The following PRKCE variants were observed in gnomAD, a reference collection of about 807,000 sequenced individuals.
PRKCE encodes protein kinase C epsilon type.
A neutral mutation model predicts 85.4 loss-of-function variants in PRKCE; 16 were observed. The observed-to-expected ratio is 0.19, with a 90% CI of 0.13 to 0.28. The LOEUF is 0.28. Among genes scored for constraint, PRKCE ranks in the 10% least tolerant of loss-of-function variants. The pLI, the probability that PRKCE is intolerant of heterozygous loss-of-function variation, is 1.00. For missense variants in PRKCE, 573 were observed against 975.2 expected (o/e 0.59, Z 5.49); for synonymous variants, 388 against 371.5 (o/e 1.04, Z -0.51).
Position 46,145,652 on chromosome 2 carries a change from G to C in PRKCE, c.1731+421G>C, listed in dbSNP as rs530072274. ...GGAGGCCAAGGCAGGTAGATCGCTTGAGCCCAGGAGTTCAAGACCAGCCGG... is the reference window on the plus strand; with the variant it reads ...GGAGGCCAAGGCAGGTAGATCGCTTCAGCCCAGGAGTTCAAGACCAGCCGG... On this transcript the variant is annotated intron_variant, in intron 12 of 14. Transcript: ENST00000306156. The surrounding 1 kb of genome is among the most constrained non-coding windows in gnomAD (Gnocchi z 4.6). Among the ~76,000 whole-genome samples the C allele has an allele frequency of 1.8e-3, 277 of 152,268 alleles. 7 individuals are homozygous for C. The highest frequency in any genetic ancestry group is 0.013 in the South Asian group (61 of 4,824).
intron 10 of PRKCE, among the ~76,000 whole-genome samples, chr2:46,067,316 G>C (rs905029172): frequency 6.6e-6 from 1 of 152,148 alleles, no homozygotes; most frequent in African/African-American, 2.4e-5. Context: ...TATTTAAACA[G>C]TTTGGATTAA....
intron 1 of PRKCE, among the ~76,000 whole-genome samples, chr2:45,744,453 CTTTCTTTCTTTCTT>C (rs1682893754): frequency 1.7e-5 from 1 of 58,280 alleles, no homozygotes; most frequent in Non-Finnish European, 3.4e-5. Flanking sequence ...TTCTTTCTTT[CTTTCTTTCTTTCTT>C]TCTTTCTTTC....
chr2:45,792,196 C>T (rs897959722), intron 1 of PRKCE, among the ~76,000 whole-genome samples: 1 of 152,030 alleles, frequency 6.6e-6, no homozygotes, highest in Non-Finnish European at 1.5e-5. Flanking sequence ...AGAGGCCAAA[C>T]CTGAGGGGTG....
chr2:45,752,464 C>G (rs1683655133), intron 1 of PRKCE, among the ~76,000 whole-genome samples: 2 of 152,210 alleles, frequency 1.3e-5, no homozygotes, highest in African/African-American at 4.8e-5. Context: ...TTTAATGGAA[C>G]TAATTCAGCA....
intron 5 of PRKCE, among the ~76,000 whole-genome samples, chr2:45,980,810 G>C (rs1702830829): frequency 6.6e-6 from 1 of 152,192 alleles, no homozygotes; most frequent in Non-Finnish European, 1.5e-5. Context: ...GAATACTTAG[G>C]AGGCGGCAAC....
At chr2:46,073,014 C>T (rs1668208426) in intron 10 of PRKCE, among the ~76,000 whole-genome samples, 1 of 152,212 alleles carries the variant, frequency 6.6e-6, no homozygotes, top group Non-Finnish European at 1.5e-5. Flanking sequence ...TGCACATTCC[C>T]AGGGCCCACC....
chr2:45,712,385 C>A (rs1324517994), intron 1 of PRKCE, among the ~76,000 whole-genome samples: 1 of 151,666 alleles, frequency 6.6e-6, no homozygotes, highest in Non-Finnish European at 1.5e-5. Context: ...GAACTTCTGA[C>A]CTCAAGTGAT....
intron 1 of PRKCE, among the ~76,000 whole-genome samples, chr2:45,757,986 A>C (rs926591384): frequency 6.6e-6 from 1 of 152,210 alleles, no homozygotes; most frequent in Non-Finnish European, 1.5e-5. Flanking sequence ...ACTGGGGACA[A>C]TGTTAAAGGC....
intron 1 of PRKCE, among the ~76,000 whole-genome samples, chr2:45,826,096 A>C (rs1439008629): frequency 1.3e-5 from 2 of 152,152 alleles, no homozygotes; most frequent in Non-Finnish European, 2.9e-5. Context: ...CACCCAGGGC[A>C]GTAGAAGTCA....
At chr2:45,714,824 T>C (rs540840616) in intron 1 of PRKCE, among the ~76,000 whole-genome samples, 1 of 152,350 alleles carries the variant, frequency 6.6e-6, no homozygotes, top group South Asian at 2.1e-4. Context: ...CTAATGTCTG[T>C]ATCCCTCGGA....
At chr2:45,773,888 C>A (rs1266816629) in intron 1 of PRKCE, among the ~76,000 whole-genome samples, 2 of 152,164 alleles carry the variant, frequency 1.3e-5, no homozygotes, top group Non-Finnish European at 2.9e-5. Flanking sequence ...GTAAGGTGCC[C>A]TGGGCAGCTG....
intron 10 of PRKCE, among the ~76,000 whole-genome samples, chr2:46,049,666 G>A (rs1708737074): frequency 1.3e-5 from 2 of 152,260 alleles, no homozygotes; most frequent in Admixed American, 1.3e-4. Flanking sequence ...AATTCATGAA[G>A]GTCACCAGAG....
chr2:45,977,840 C>T (rs1702580920), intron 3 of PRKCE, among the ~76,000 whole-genome samples: 1 of 152,178 alleles, frequency 6.6e-6, no homozygotes, highest in Non-Finnish European at 1.5e-5. Context: ...ATCCCACCAG[C>T]CTTTCTAGCA....
chr2:45,928,560 G>T (rs1457968450), intron 2 of PRKCE, among the ~76,000 whole-genome samples: 2 of 152,206 alleles, frequency 1.3e-5, no homozygotes, highest in African/African-American at 4.8e-5. Flanking sequence ...GTGAGCCACT[G>T]TGCCCGGCCC....
intron 1 of PRKCE, among the ~76,000 whole-genome samples, chr2:45,660,367 A>G (rs755663128): frequency 6.6e-6 from 1 of 152,306 alleles, no homozygotes; most frequent in South Asian, 2.1e-4. Context: ...AGCAATTTGC[A>G]TCAAGCTGAA....
chr2:45,657,870 A>C (rs13029429), intron 1 of PRKCE, among the ~76,000 whole-genome samples: 73,801 of 151,844 alleles, frequency 0.49, 18,020 homozygotes, highest in Middle Eastern at 0.56. Flanking sequence ...GGGGAGATTC[A>C]TGCAACACAG....
intron 2 of PRKCE, among the ~76,000 whole-genome samples, chr2:45,853,993 T>G (rs1692478896): frequency 6.6e-6 from 1 of 152,142 alleles, no homozygotes; most frequent in African/African-American, 2.4e-5. Flanking sequence ...CCACCAGCAT[T>G]CCCCTGGTTC....
intron 10 of PRKCE, among the ~76,000 whole-genome samples, chr2:46,024,769 G>A (rs111928002): frequency 2.7e-4 from 41 of 152,184 alleles, no homozygotes; most frequent in African/African-American, 9.9e-4. Flanking sequence ...ATCCCCATGT[G>A]TTTTTGGTAT....
At chr2:45,900,895 T>C (rs754102435) in intron 2 of PRKCE, among the ~76,000 whole-genome samples, 2 of 152,228 alleles carry the variant, frequency 1.3e-5, no homozygotes, top group Non-Finnish European at 2.9e-5. Flanking sequence ...GAGAACTAGA[T>C]TGCTTTCTGC....
Sources: gnomAD v4.1 joint callset for allele counts (sites outside exome capture counted in the v4.1 genomes callset) on GRCh38, gnomAD v4.1.1 for gene constraint, Gnocchi (gnomAD v3.1) non-coding constraint, MANE v1.5 for transcripts, NCBI Gene and HGNC (gene_info 2026-07-23, HGNC 2026-07-21) for gene names.